RUNX2: variants seen among roughly 807,000 people sequenced by gnomAD.
RUNX2 encodes runt-related transcription factor 2.
Under a neutral mutation model 51.7 loss-of-function variants are expected in RUNX2, and 10 were observed. The observed-to-expected ratio is 0.19, with a 90% CI of 0.12 to 0.33. The LOEUF (loss-of-function observed/expected upper bound fraction) is 0.33, where lower values mean the gene tolerates loss of function less well. Among genes scored for constraint, RUNX2 ranks in the 10% least tolerant of loss-of-function variants. RUNX2 has a pLI of 1.00. For missense variants in RUNX2, 562 were observed against 691.3 expected (o/e 0.81, Z 2.10); for synonymous variants, 276 against 273.6 (o/e 1.01, Z -0.09).
intron 2 of RUNX2, among the ~76,000 whole-genome samples, chr6:45,397,245 A>AG (rs1157479855): frequency 6.6e-6 from 1 of 151,680 alleles, no homozygotes; most frequent in Non-Finnish European, 1.5e-5. Flanking sequence ...CTGGGACTAC[A>AG]GGGGCCCACC....
chr6:45,395,741 C>T (rs980609764), intron 2 of RUNX2, among the ~76,000 whole-genome samples: 1 of 152,172 alleles, frequency 6.6e-6, no homozygotes, highest in East Asian at 1.9e-4. Context: ...GATCTTGGCT[C>T]ACTGCAACCT....
intron 3 of RUNX2, 114 bp from the exon 4 acceptor site, chr6:45,431,749 A>G: frequency 2.5e-6 from 3 of 1,203,722 alleles, no homozygotes; most frequent in Non-Finnish European, 3.7e-6. Flanking sequence ...CCATTACTGG[A>G]CTGGACTAGA....
chr6:45,514,488 C>A (rs942064439), intron 7 of RUNX2, among the ~76,000 whole-genome samples: 6 of 152,132 alleles, frequency 3.9e-5, no homozygotes, highest in Admixed American at 3.9e-4. Context: ...CCAGTTTTTT[C>A]CTCCAACCCT....
intron 5 of RUNX2, among the ~76,000 whole-genome samples, chr6:45,488,219 G>A (rs891525263): frequency 6.6e-6 from 1 of 152,188 alleles, no homozygotes; most frequent in African/African-American, 2.4e-5. Context: ...GATTGAATGT[G>A]GAGAGTGAGA....
chr6:45,355,154 T>A (rs13191493), intron 2 of RUNX2, among the ~76,000 whole-genome samples: 1 of 150,346 alleles, frequency 6.7e-6, no homozygotes. Context: ...TTTTTTTTTT[T>A]AGAGATGGGG....
chr6:45,386,680 C>CA (rs1360729766), intron 2 of RUNX2, among the ~76,000 whole-genome samples: 2 of 152,198 alleles, frequency 1.3e-5, no homozygotes, highest in Non-Finnish European at 2.9e-5. Context: ...GATGACGCAT[C>CA]ACTCAGCCTT....
chr6:45,398,956 T>C (rs182300245), intron 2 of RUNX2, among the ~76,000 whole-genome samples: 5 of 152,352 alleles, frequency 3.3e-5, no homozygotes, highest in Admixed American at 3.3e-4. Flanking sequence ...TCTTGAGGGC[T>C]GTATTCTCTT....
chr6:45,352,372 G>A (rs1325561020), intron 2 of RUNX2, among the ~76,000 whole-genome samples: 1 of 152,020 alleles, frequency 6.6e-6, no homozygotes, highest in East Asian at 1.9e-4. Flanking sequence ...AGTTTTCCTA[G>A]TTTATGAACT....
intron 7 of RUNX2, among the ~76,000 whole-genome samples, chr6:45,523,831 T>C (rs1414180819): frequency 2.0e-5 from 3 of 151,714 alleles, no homozygotes; most frequent in Non-Finnish European, 2.9e-5. Context: ...ACTCAGGAAG[T>C]TGATGCAGGA....
chr6:45,341,103 G>A (rs969710901), intron 2 of RUNX2, among the ~76,000 whole-genome samples: 1 of 152,112 alleles, frequency 6.6e-6, no homozygotes, highest in African/African-American at 2.4e-5. Flanking sequence ...ATTCTAAGAA[G>A]TAAATCCTTG....
intron 5 of RUNX2, among the ~76,000 whole-genome samples, chr6:45,474,980 C>T (rs1008989722): frequency 2.6e-5 from 4 of 151,874 alleles, no homozygotes; most frequent in Non-Finnish European, 4.4e-5. Flanking sequence ...GCTTAATCTC[C>T]GGGTGTGGTG....
At chr6:45,511,952 G>T (rs1801163677) in intron 6 of RUNX2, among the ~76,000 whole-genome samples, 1 of 152,080 alleles carries the variant, frequency 6.6e-6, no homozygotes, top group African/African-American at 2.4e-5. Flanking sequence ...TTTTCTAAAT[G>T]ACTATTAGAC....
At chr6:45,447,903 C>T (rs1799048066) in intron 5 of RUNX2, among the ~76,000 whole-genome samples, 2 of 152,126 alleles carry the variant, frequency 1.3e-5, no homozygotes, top group Non-Finnish European at 2.9e-5. Flanking sequence ...TGCCAACATG[C>T]GGTGATGTGA....
rs1802550560 is a variant in RUNX2 at position 45,551,068 on chromosome 6, T to C, written c.*3763T>C. ...GAATTTAATTTTCAATAAAATGGCT[T>C]TTTTGGTTTTGTTATGTGTGTACCT... On this transcript the variant is annotated 3_prime_UTR_variant, in exon 9 of 9. Coordinates refer to ENST00000647337, the MANE Select transcript of RUNX2 (RefSeq NM_001024630.4). The C allele has an allele frequency of 6.6e-6, 1 of 152,630 alleles. No homozygotes were observed. The highest frequency in any genetic ancestry group is 2.4e-5 in the African/African-American group (1 of 41,446). The allele number at this position is 152,630 out of a possible 1,614,324, so 9.5% of individuals were successfully genotyped here.
chr6:45,356,542 C>T (rs566459283), intron 2 of RUNX2, among the ~76,000 whole-genome samples: 3 of 152,056 alleles, frequency 2.0e-5, no homozygotes, highest in Non-Finnish European at 2.9e-5. Flanking sequence ...GGATTAAAAG[C>T]GTGTGCCACC....
At chr6:45,409,182 C>A (rs1158704208) in intron 2 of RUNX2, among the ~76,000 whole-genome samples, 2 of 152,096 alleles carry the variant, frequency 1.3e-5, no homozygotes, top group Non-Finnish European at 2.9e-5. Context: ...AGAACACCAC[C>A]AATATTGGAA....
At chr6:45,478,550 G>T (rs960448008) in intron 5 of RUNX2, among the ~76,000 whole-genome samples, 2 of 152,120 alleles carry the variant, frequency 1.3e-5, no homozygotes, top group Non-Finnish European at 2.9e-5. Context: ...GTATAGTCAG[G>T]CCCAGAATTA....
intron 2 of RUNX2, among the ~76,000 whole-genome samples, chr6:45,355,600 T>C (rs1159539671): frequency 1.3e-5 from 2 of 152,160 alleles, no homozygotes; most frequent in Non-Finnish European, 1.5e-5. Flanking sequence ...TTTTTCTTTG[T>C]ATCAATTTGC....
intron 7 of RUNX2, among the ~76,000 whole-genome samples, chr6:45,530,290 A>C (rs1801802148): frequency 6.6e-6 from 1 of 152,262 alleles, no homozygotes; most frequent in African/African-American, 2.4e-5. Flanking sequence ...TTTGAAAACA[A>C]TCTTTGTAAA....
Sources: gnomAD v4.1 joint callset for allele counts (sites outside exome capture counted in the v4.1 genomes callset) on GRCh38, gnomAD v4.1.1 for gene constraint, MANE v1.5 for transcripts, NCBI Gene and HGNC (gene_info 2026-07-23, HGNC 2026-07-21) for gene names.